MMAA: variants seen among roughly 807,000 people sequenced by gnomAD.
MMAA encodes metabolism of cobalamin associated A.
MMAA carries 41 observed loss-of-function variants against 45.0 expected under a neutral mutation model. The observed-to-expected ratio is 0.91, with a 90% CI of 0.71 to 1.18. The LOEUF (loss-of-function observed/expected upper bound fraction) is 1.18, where lower values mean the gene tolerates loss of function less well. Among genes scored for constraint, MMAA ranks in the 50% most tolerant of loss-of-function variants. MMAA has a pLI of 0.00. For synonymous variants in MMAA, 154 were observed against 178.2 expected, an observed-to-expected ratio of 0.86 and a Z score of 1.08; for missense variants, 460 against 495.7, an observed-to-expected ratio of 0.93 and a Z score of 0.68.
intron 1 of MMAA, chr4:145,624,266 A>T (rs1011676823): frequency 1.3e-6 from 1 of 798,504 alleles, no homozygotes. Flanking sequence ...TCTGGGGGGA[A>T]GTTATATTCC....
In MMAA at chr4:145,655,427, G is replaced by A. The variant is rs763715364; in HGVS notation, c.1250G>A (p.Arg417Lys). 6.2e-7 allele frequency: 1 copy of A among 1,610,524 alleles called. No individual in the cohort carries two copies. ...ADFLLKAFKS[R>K]D ...TTCTTGTTAAAAGCTTTTAAAAGCAGAGACTAATAAAATTCATCCTGTATA... is the reference window on the plus strand; with the variant it reads ...TTCTTGTTAAAAGCTTTTAAAAGCAAAGACTAATAAAATTCATCCTGTATA... Residue 417 changes from arginine to lysine, a missense_variant, in exon 7 of 7, where the codon AGA becomes AAA. Coordinates refer to ENST00000649156, the MANE Select transcript of MMAA (RefSeq NM_172250.3).
At chr4:145,635,734 T>C (rs1211480337) in intron 1 of MMAA, among the ~76,000 whole-genome samples, 1 of 152,164 alleles carries the variant, frequency 6.6e-6, no homozygotes, top group Non-Finnish European at 1.5e-5. Context: ...TAGGACTAGA[T>C]TTGGTAATAA....
At chr4:145,625,841 G>T in intron 1 of MMAA, 1 of 1,254,154 alleles carries the variant, frequency 8.0e-7, no homozygotes, top group Non-Finnish European at 1.2e-6. Flanking sequence ...ACACCTCATG[G>T]CTTCTAAGAC....
chr4:145,636,841 A>G (rs543626557), intron 1 of MMAA, among the ~76,000 whole-genome samples: 1 of 152,336 alleles, frequency 6.6e-6, no homozygotes, highest in African/African-American at 2.4e-5. Context: ...TTAAGATAAG[A>G]TAATGAACGA....
At chr4:145,645,119 G>T (rs896875061) in intron 3 of MMAA, among the ~76,000 whole-genome samples, 2 of 152,222 alleles carry the variant, frequency 1.3e-5, no homozygotes, top group African/African-American at 2.4e-5. Context: ...AGAAGGGGCA[G>T]CTTGAAGATA....
At chr4:145,641,428 A>G (rs1193977462) in intron 2 of MMAA, among the ~76,000 whole-genome samples, 4 of 152,234 alleles carry the variant, frequency 2.6e-5, no homozygotes, top group Non-Finnish European at 5.9e-5. Context: ...GCACCTAAAA[A>G]GGTGTTTAAG....
At chr4:145,650,987 G>A in intron 4 of MMAA, 75 bp from the exon 5 acceptor site, 5 of 1,291,700 alleles carry the variant, frequency 3.9e-6, no homozygotes, top group Middle Eastern at 3.7e-4. Flanking sequence ...GAAGTAGAAT[G>A]GAAATGGTCA....
chr4:145,638,753 C>A (rs762404447), intron 1 of MMAA, among the ~76,000 whole-genome samples: 1 of 151,902 alleles, frequency 6.6e-6, no homozygotes, highest in Non-Finnish European at 1.5e-5. Context: ...ACTGTTAAGA[C>A]GAATTTAAGA....
intron 4 of MMAA, among the ~76,000 whole-genome samples, chr4:145,647,691 C>T (rs1432929171): frequency 2.6e-5 from 4 of 152,176 alleles, no homozygotes; most frequent in African/African-American, 9.7e-5. Context: ...TTCCTGTTCA[C>T]TTCACTCTCC....
chr4:145,629,155 CAG>C (rs1215026781), intron 1 of MMAA, among the ~76,000 whole-genome samples: 14 of 152,052 alleles, frequency 9.2e-5, no homozygotes, highest in African/African-American at 2.9e-4. Flanking sequence ...TTTTTTGAGA[CAG>C]AGTCTCGCTG....
rs886059102 is a variant in MMAA, at chr4:145,657,453, A to G, written c.*2019A>G. The G allele has an allele frequency of 6.6e-6, 1 of 152,122 alleles. No individual in the cohort carries two copies. The highest frequency in any genetic ancestry group is 1.5e-5 in the Non-Finnish European group (1 of 68,008). The allele number at this position is 152,122 out of a possible 1,614,324, so 9.4% of individuals were successfully genotyped here. ...TTGTACTGGACTTCTGACTTGGTCAAAAGCATAGGTTTTGACTTAGATACA... is the reference window on the plus strand; with the variant it reads ...TTGTACTGGACTTCTGACTTGGTCAGAAGCATAGGTTTTGACTTAGATACA... On this transcript the variant is annotated 3_prime_UTR_variant, in exon 7 of 7. Coordinates refer to ENST00000649156, the MANE Select transcript of MMAA (RefSeq NM_172250.3).
chr4:145,625,279 G>T, intron 1 of MMAA: 1 of 768,958 alleles, frequency 1.3e-6, no homozygotes, highest in South Asian at 1.3e-5. Flanking sequence ...AGCCCTTTAG[G>T]TTTCCCCAGA....
intron 1 of MMAA, among the ~76,000 whole-genome samples, chr4:145,622,404 A>G (rs1027319967): frequency 6.6e-6 from 1 of 152,160 alleles, no homozygotes; most frequent in Non-Finnish European, 1.5e-5. Context: ...AGTCTCGGGT[A>G]TGTCTTTATC....
intron 4 of MMAA, among the ~76,000 whole-genome samples, chr4:145,648,003 C>T (rs1459009704): frequency 6.6e-6 from 1 of 151,024 alleles, no homozygotes; most frequent in Non-Finnish European, 1.5e-5. Context: ...ACTACAGGCG[C>T]CTGCCACCAT....
chr4:145,622,871 C>T (rs1218067765), intron 1 of MMAA, among the ~76,000 whole-genome samples: 3 of 152,152 alleles, frequency 2.0e-5, no homozygotes, highest in Admixed American at 6.5e-5. Flanking sequence ...GCTCTTTCAG[C>T]TGTGGTTCAG....
chr4:145,621,599 G>A (rs550490565), intron 1 of MMAA, among the ~76,000 whole-genome samples: 1 of 152,094 alleles, frequency 6.6e-6, no homozygotes, highest in East Asian at 1.9e-4. Flanking sequence ...GGTTGGGGGG[G>A]GTGGAATATG....
rs746853773 is a variant in MMAA, at chr4:145,651,074, C to T, written c.746C>T (p.Ser249Leu). The change falls in exon 5 of 7, where the codon TCG becomes TTG. Residue 249 changes from serine (S) to leucine (L), a missense_variant. Physicochemically the swap from Ser to Leu is moderately radical, Grantham distance 145 (BLOSUM62 -2). Transcript: ENST00000649156. ...ILIETVGVGQ[S>L]EFAVADMVDM... is the part of the protein sequence containing the mutation. ...TTTACAATTTCAGGTGTGGGTCAGTCGGAGTTTGCTGTTGCTGACATGGTT... is the reference window on the plus strand; with the variant it reads ...TTTACAATTTCAGGTGTGGGTCAGTTGGAGTTTGCTGTTGCTGACATGGTT... 1.7e-5 allele frequency: 28 copies of T among 1,614,008 alleles called. No individual in the cohort carries two copies. The highest frequency in any genetic ancestry group is 8.8e-5 in the South Asian group (8 of 91,048).
At chr4:145,628,395 T>C (rs1734247821) in intron 1 of MMAA, among the ~76,000 whole-genome samples, 1 of 152,232 alleles carries the variant, frequency 6.6e-6, no homozygotes, top group Admixed American at 6.5e-5. Context: ...TAGATCTTTG[T>C]TCCATCCTGG....
chr4:145,624,743 A>G, intron 1 of MMAA: 1 of 1,592,716 alleles, frequency 6.3e-7, no homozygotes, highest in African/African-American at 1.3e-5. Flanking sequence ...ACTTATACAG[A>G]GCCTTCTCCT....
Sources: allele counts gnomAD v4.1 joint callset (sites outside exome capture counted in the v4.1 genomes callset), GRCh38; gene constraint gnomAD v4.1.1; transcripts MANE v1.5; gene names NCBI Gene and HGNC (gene_info 2026-07-23, HGNC 2026-07-21).